The following SND1 variants were observed in gnomAD, a reference collection of about 807,000 sequenced individuals.
The protein encoded by SND1 is staphylococcal nuclease domain-containing protein 1.
SND1 carries 38 observed loss-of-function variants against 121.7 expected under a neutral mutation model. That is an observed-to-expected ratio of 0.31 (90% confidence interval 0.24 to 0.41). SND1 has a LOEUF of 0.41. SND1 is among the 10% of genes least tolerant of loss of function. The probability of loss-of-function intolerance (pLI) is 1.00; values close to 1 mark genes in which losing one functional copy is unlikely to be tolerated. For synonymous variants in SND1, 401 were observed against 447.4 expected (o/e 0.90, Z 1.31); for missense variants, 868 against 1,184.6 (o/e 0.73, Z 3.92).
chr7:127,773,578 T>C (rs541838324), intron 10 of SND1, among the ~76,000 whole-genome samples: 3 of 152,290 alleles, frequency 2.0e-5, no homozygotes, highest in African/African-American at 7.2e-5. Context: ...TTGCATTTTG[T>C]CAGCCATTTT....
chr7:127,772,180 A>G (rs921079697), intron 10 of SND1, among the ~76,000 whole-genome samples: 1 of 152,224 alleles, frequency 6.6e-6, no homozygotes, highest in Admixed American at 6.5e-5. Context: ...ATAAAGAAGG[A>G]ACAGTCACTA....
chr7:127,734,696 T>C lies in SND1; in HGVS notation c.1152+13296T>C, dbSNP rs375464812. ...CTGGCACCCTAACACAGTGTGCAGGTTTAGTGTTAGCGGACGATCTGTGTT... is the reference window on the plus strand; with the variant it reads ...CTGGCACCCTAACACAGTGTGCAGGCTTAGTGTTAGCGGACGATCTGTGTT... On this transcript the variant is annotated intron_variant, in intron 10 of 23. Transcript: ENST00000354725. 2.6e-5 allele frequency among the ~76,000 whole-genome samples: 4 copies of C among 151,988 alleles called. No homozygotes were observed. The East Asian group carries it at 7.8e-4, about 29-fold the overall frequency.
intron 10 of SND1, among the ~76,000 whole-genome samples, chr7:127,788,295 G>C (rs1797848723): frequency 1.3e-5 from 2 of 152,198 alleles, no homozygotes; most frequent in African/African-American, 4.8e-5. Flanking sequence ...GGAGGCTACA[G>C]AGATGAATAA....
chr7:127,752,929 A>G (rs1262442042), intron 10 of SND1, among the ~76,000 whole-genome samples: 2 of 152,210 alleles, frequency 1.3e-5, no homozygotes, highest in African/African-American at 2.4e-5. Flanking sequence ...TGGCCTTTAT[A>G]CTAATTCTGC....
intron 14 of SND1, among the ~76,000 whole-genome samples, chr7:127,906,312 A>G (rs1800339474): frequency 1.3e-5 from 2 of 152,136 alleles, no homozygotes; most frequent in Non-Finnish European, 2.9e-5. Context: ...GTTCATTTTT[A>G]ACAGGTGTAA....
rs573555164 is a variant in SND1, at chr7:127,876,691, T to A, written c.1344-11211T>A. Among the ~76,000 whole-genome samples the A allele has an allele frequency of 3.9e-5, 6 of 152,300 alleles. No homozygotes were observed. The South Asian group carries it at 1.2e-3, about 32-fold the overall frequency. On this transcript the variant is annotated intron_variant, in intron 12 of 23. Coordinates refer to ENST00000354725, the MANE Select transcript of SND1 (RefSeq NM_014390.4). Reference sequence around the variant, plus strand: ...CAGTGAGTGGACCAGTTTAGTTGGATTGGAAGTTCATGTAGTTTACTTTCT... The same window carrying A: ...CAGTGAGTGGACCAGTTTAGTTGGAATGGAAGTTCATGTAGTTTACTTTCT...
intron 12 of SND1, among the ~76,000 whole-genome samples, chr7:127,854,589 AGTGCC>A (rs1799236393): frequency 1.4e-5 from 2 of 146,424 alleles, no homozygotes; most frequent in African/African-American, 5.1e-5. Context: ...TATTTAGAAT[AGTGCC>A]ATGATGTGAT....
intron 14 of SND1, among the ~76,000 whole-genome samples, chr7:127,916,063 T>TATAG (rs141633504): frequency 1.2e-4 from 18 of 150,624 alleles, no homozygotes; most frequent in African/African-American, 4.4e-4. Flanking sequence ...CATATATATA[T>TATAG]AGAGAGAGAG....
intron 12 of SND1, among the ~76,000 whole-genome samples, chr7:127,848,245 G>A (rs1402129284): frequency 2.0e-5 from 3 of 152,224 alleles, no homozygotes; most frequent in East Asian, 1.9e-4. Flanking sequence ...CTTAACACAT[G>A]CGAATGTTTT....
intron 15 of SND1, among the ~76,000 whole-genome samples, chr7:127,967,743 C>T (rs1220235367): frequency 6.6e-6 from 1 of 152,148 alleles, no homozygotes; most frequent in Non-Finnish European, 1.5e-5. Context: ...GTGCATTTGC[C>T]AGGAAACTAT....
chr7:127,836,453 G>T (rs1798870385), intron 11 of SND1, among the ~76,000 whole-genome samples: 1 of 152,122 alleles, frequency 6.6e-6, no homozygotes, highest in African/African-American at 2.4e-5. Flanking sequence ...ATACATCTGG[G>T]CTGGATTGGA....
At chr7:127,696,866 C>G (rs1485723496) in intron 3 of SND1, among the ~76,000 whole-genome samples, 1 of 152,122 alleles carries the variant, frequency 6.6e-6, no homozygotes, top group Non-Finnish European at 1.5e-5. Flanking sequence ...CATAGGTGAT[C>G]AATAAATATG....
At position 127,662,906 on chromosome 7, in the gene SND1, T is replaced by C. The variant is rs565969906; in HGVS notation, c.78+10455T>C. 4.9e-3 allele frequency among the ~76,000 whole-genome samples: 742 copies of C among 150,612 alleles called. 11 individuals are homozygous for C. The highest frequency in any genetic ancestry group is 0.017 in the African/African-American group (710 of 40,892). On this transcript the variant is annotated intron_variant, in intron 1 of 23. Transcript: ENST00000354725. ...CTCTTTTATCTTTTTTTTTTTTTTT[T>C]TTTTGAGACAGAATCTCTCTGTCAC...
chr7:127,652,460 G>A lies in SND1; in HGVS notation c.78+9G>A, dbSNP rs767400716. 1 of 1,566,606 alleles carries A rather than the reference G, an allele frequency of 6.4e-7. No individual in the cohort carries two copies. The highest frequency in any genetic ancestry group is 8.7e-7 in the Non-Finnish European group (1 of 1,155,064). ...GGGGCATCATCAAGATGGTGAGAAC[G>A]GGCCCCGGACACCGACCCCTCTGCC... On this transcript the variant is annotated intron_variant, in intron 1 of 23. Coordinates refer to ENST00000354725, the MANE Select transcript of SND1 (RefSeq NM_014390.4).
chr7:127,756,265 T>C (rs969719203), intron 10 of SND1, among the ~76,000 whole-genome samples: 3 of 152,222 alleles, frequency 2.0e-5, no homozygotes, highest in Non-Finnish European at 4.4e-5. Context: ...CTGTAGTATT[T>C]TTTTCAAATC....
At chr7:127,775,503 A>C (rs778673169) in intron 10 of SND1, among the ~76,000 whole-genome samples, 1 of 152,184 alleles carries the variant, frequency 6.6e-6, no homozygotes. Flanking sequence ...TCAATAGATC[A>C]TAAAAGAACT....
At chr7:127,809,610 A>G (rs574145456) in intron 11 of SND1, among the ~76,000 whole-genome samples, 49 of 152,312 alleles carry the variant, frequency 3.2e-4, no homozygotes, top group Non-Finnish European at 6.5e-4. Context: ...AAGAGGCACC[A>G]CGAGGGAGCA....
At chr7:128,082,765 C>T (rs1392339542) in intron 18 of SND1, among the ~76,000 whole-genome samples, 2 of 152,088 alleles carry the variant, frequency 1.3e-5, no homozygotes, top group African/African-American at 2.4e-5. Context: ...GAATCCACCA[C>T]CCCAAAATCC....
chr7:128,067,303 C>T (rs976044744), intron 16 of SND1, among the ~76,000 whole-genome samples: 2 of 152,206 alleles, frequency 1.3e-5, no homozygotes, highest in Non-Finnish European at 2.9e-5. Flanking sequence ...GCTCCTTCTT[C>T]CCATCCAGGC....
Sources: allele counts gnomAD v4.1 joint callset (sites outside exome capture counted in the v4.1 genomes callset), GRCh38; gene constraint gnomAD v4.1.1; transcripts MANE v1.5; gene names NCBI Gene and HGNC (gene_info 2026-07-23, HGNC 2026-07-21).